The following PPM1N variants were observed in gnomAD, a reference collection of about 807,000 sequenced individuals.
The protein encoded by PPM1N is probable protein phosphatase 1N.
PPM1N carries 35 observed loss-of-function variants against 32.6 expected under a neutral mutation model. The observed-to-expected ratio is 1.07, with a 90% CI of 0.82 to 1.43. PPM1N has a LOEUF of 1.43. PPM1N is among the 40% of genes most tolerant of loss of function. PPM1N has a pLI of 0.00. For missense variants in PPM1N, 648 were observed against 606.6 expected, an observed-to-expected ratio of 1.07 and a Z score of -0.72; for synonymous variants, 275 against 270.5, an observed-to-expected ratio of 1.02 and a Z score of -0.16.
Position 45,500,477 on chromosome 19 carries a change from A to G in PPM1N, c.1079A>G (p.Lys360Arg). ...TCAGAACTGTGTGCCTCTGCTCAGAAGCCCCCCAGCCTGAACACAGTTTTC... is the reference window on the plus strand; with the variant it reads ...TCAGAACTGTGTGCCTCTGCTCAGAGGCCCCCCAGCCTGAACACAGTTTTC... ...RIAELCASAQ[K>R]PPSLNTVFRT... is the part of the protein sequence containing the mutation. Residue 360 changes from lysine (K) to arginine (R), a missense_variant, in exon 3 of 5, where the codon AAG becomes AGG. By Grantham distance (26) the Lys-to-Arg change is conservative (BLOSUM62 2). Transcript: ENST00000451287. 6.2e-7 allele frequency: 1 copy of G among 1,609,918 alleles called. No homozygotes were observed. The highest frequency in any genetic ancestry group is 8.5e-7 in the Non-Finnish European group (1 of 1,178,072).
In PPM1N at chr19:45,498,615, C is replaced by A. The variant is rs775186135; in HGVS notation, c.143C>A (p.Ala48Glu). The A allele has an allele frequency of 1.4e-6, 2 of 1,419,542 alleles. No homozygotes were observed. The highest frequency in any genetic ancestry group is 1.8e-6 in the Non-Finnish European group (2 of 1,092,834). The allele number at this position is 1,419,542 out of a possible 1,614,324, so 87.9% of individuals were successfully genotyped here. The change falls in exon 1 of 5, where the codon GCG becomes GAG. Residue 48 changes from alanine (A) to glutamate (E), a missense_variant. Ala to Glu is a moderately radical substitution (Grantham distance 107). Transcript: ENST00000451287. ...GAAGGGCCTCGGTCTCTGTTGACAG[C>A]GCCGCGCCGCGCCCAGCGGCCGCAC... ...APEGPRSLLT[A>E]PRRAQRPHGG...
chr19:45,499,485 A>T (rs779959001), intron 1 of PPM1N, 74 bp downstream of exon 1: 1 of 1,592,652 alleles, frequency 6.3e-7, no homozygotes, highest in Middle Eastern at 1.7e-4. Context: ...TTTGGGGAGG[A>T]GGGCTTTGAT....
intron 1 of PPM1N, 35 bp downstream of exon 1, chr19:45,499,446 G>A: frequency 1.3e-6 from 2 of 1,595,132 alleles, no homozygotes; most frequent in African/African-American, 1.3e-5. Context: ...TTTGGGGCTT[G>A]GTGCAGCAGA....
Position 45,500,071 on chromosome 19 carries a change from G to A in PPM1N, c.1057+5G>A. On this transcript the variant is annotated splice_donor_5th_base_variant and intron_variant, in intron 2 of 4. Coordinates refer to ENST00000451287, the MANE Select transcript of PPM1N (RefSeq NM_001080401.2). The stretch of plus-strand genomic sequence containing the variant: ...CCCTGGGCTGCAGAATCGCTGGTGA[G>A]CAGACTCTGGGGGCCCAGCTGGAGG... The A allele has an allele frequency of 6.3e-7, 1 of 1,583,292 alleles. No individual in the cohort carries two copies.
At position 45,502,308 on chromosome 19, in the gene PPM1N, GAAAAAAAAAAAA is replaced by G. The variant is rs61574042; in HGVS notation, c.*238_*249del. On this transcript the variant is annotated 3_prime_UTR_variant, in exon 5 of 5. Transcript: ENST00000451287. ...GACCAAAAAGAAAAAAGCCCAAATC[GAAAAAAAAAAAA>G]AAAAAAAAAAAAAACAAAAAAACCC... The G allele has an allele frequency of 1.9e-4, 5 of 26,856 alleles. No homozygotes were observed. The highest frequency in any genetic ancestry group is 1.2e-3 in the Admixed American group (2 of 1,686). The allele number at this position is 26,856 out of a possible 1,614,324, so 1.7% of individuals were successfully genotyped here. A position where few individuals can be genotyped will look rare whatever the true frequency, so the allele number is the denominator to read the frequency against.
chr19:45,500,068 T>C lies in PPM1N; in HGVS notation c.1057+2T>C. 6.3e-7 allele frequency: 1 copy of C among 1,585,586 alleles called. No homozygotes were observed. Among genetic ancestry groups the C allele is most frequent in the Admixed American group, 1.8e-5 (1 of 56,460 alleles). On this transcript the variant is annotated splice_donor_variant, in intron 2 of 4. Coordinates refer to ENST00000451287, the MANE Select transcript of PPM1N (RefSeq NM_001080401.2). LOFTEE classifies it high-confidence loss of function. ...CAGCCCTGGGCTGCAGAATCGCTGGTGAGCAGACTCTGGGGGCCCAGCTGG... is the reference window on the plus strand; with the variant it reads ...CAGCCCTGGGCTGCAGAATCGCTGGCGAGCAGACTCTGGGGGCCCAGCTGG...
chr19:45,502,144 A>G lies in PPM1N; in HGVS notation c.*59A>G. Reference sequence around the variant, plus strand: ...TGGGGCCTCAACAGAACTAAAGAAGAAAACCGACCCTTTCCCCAACTACAT... The same window carrying G: ...TGGGGCCTCAACAGAACTAAAGAAGGAAACCGACCCTTTCCCCAACTACAT... On this transcript the variant is annotated 3_prime_UTR_variant, in exon 5 of 5. Transcript: ENST00000451287. The G allele has an allele frequency of 7.4e-7, 1 of 1,345,880 alleles. No individual in the cohort carries two copies. The highest frequency in any genetic ancestry group is 1.2e-5 in the South Asian group (1 of 81,202). The allele number at this position is 1,345,880 out of a possible 1,614,324, so 83.4% of individuals were successfully genotyped here.
At position 45,500,469 on chromosome 19, in the gene PPM1N, T is replaced by G; in HGVS notation, c.1071T>G (p.Ser357=). The G allele has an allele frequency of 6.2e-7, 1 of 1,608,682 alleles. No individual in the cohort carries two copies. The highest frequency in any genetic ancestry group is 2.2e-5 in the East Asian group (1 of 44,758). ...ACTCTTTCTCAGAACTGTGTGCCTC[T>G]GCTCAGAAGCCCCCCAGCCTGAACA... The part of the protein sequence containing the change: ...LGCRIAELCA[S]AQKPPSLNTV... The change falls in exon 3 of 5, where the codon TCT becomes TCG. Residue 357 remains serine, a synonymous_variant. Transcript: ENST00000451287.
chr19:45,499,654 T>G, intron 1 of PPM1N: 1 of 1,548,154 alleles, frequency 6.5e-7, no homozygotes, highest in Non-Finnish European at 8.7e-7. Context: ...CGTGGTCTTT[T>G]GGAAAGGGGC....
At position 45,499,345 on chromosome 19, in the gene PPM1N, A is replaced by T. The variant is rs773067204; in HGVS notation, c.873A>T (p.Ser291=). The T allele has an allele frequency of 6.2e-7, 1 of 1,612,380 alleles. No homozygotes were observed. Among genetic ancestry groups the T allele is most frequent in the Non-Finnish European group, 8.5e-7 (1 of 1,179,650 alleles). The change falls in exon 1 of 5, where the codon TCA becomes TCT. Residue 291 remains serine (S), a synonymous_variant. Transcript: ENST00000451287. ...CTGCCCTGGCGGGACTGGTGGCTTC[A>T]CGCCTCCGCTTGGGCCTGGCCCCAG... ...SGAALAGLVA[S]RLRLGLAPEL...
rs887614128 is a variant in PPM1N at position 45,499,751 on chromosome 19, T to A, written c.940-198T>A. ...GTAAACATCAGAGCGGGCGGAGCTT[T>A]AGGGAAAAGGCATTGTTCTCTCAAT... On this transcript the variant is annotated intron_variant, in intron 1 of 4. Transcript: ENST00000451287. The A allele has an allele frequency of 3.9e-6, 6 of 1,521,786 alleles. No individual in the cohort carries two copies. In the African/African-American group the frequency reaches 8.3e-5, roughly 21 times the overall value. The allele number at this position is 1,521,786 out of a possible 1,614,324, so 94.3% of individuals were successfully genotyped here.
At chr19:45,499,468 T>G (rs761044951) in intron 1 of PPM1N, 57 bp downstream of exon 1, 4 of 1,598,546 alleles carry the variant, frequency 2.5e-6, no homozygotes, top group Non-Finnish European at 2.6e-6. Context: ...GGAGAGAGCC[T>G]CGGGGTTTTG....
In PPM1N at chr19:45,499,073, C is replaced by T. The variant is rs772491110; in HGVS notation, c.601C>T (p.Arg201Trp). 3 of 1,518,186 alleles carry T rather than the reference C, an allele frequency of 2.0e-6. No individual in the cohort carries two copies. Among genetic ancestry groups the T allele is most frequent in the Non-Finnish European group, 2.6e-6 (3 of 1,143,416 alleles). The allele number at this position is 1,518,186 out of a possible 1,614,324, so 94.0% of individuals were successfully genotyped here. A position where few individuals can be genotyped will look rare whatever the true frequency, so the allele number is the denominator to read the frequency against. Reference protein sequence around the residue: ...GAVAFSTEDHRPLRPRERERI... With the variant: ...GAVAFSTEDHWPLRPRERERI... ...CGTGGCCTTCAGCACAGAGGACCAC[C>T]GGCCCCTTCGACCCCGGGAACGCGA... Residue 201 changes from arginine (R) to tryptophan (W), a missense_variant, in exon 1 of 5, where the codon CGG becomes TGG. By Grantham distance (101) the Arg-to-Trp change is moderately radical. Transcript: ENST00000451287.
chr19:45,499,090 G>T lies in PPM1N; in HGVS notation c.618G>T (p.Arg206=). The T allele has an allele frequency of 6.6e-7, 1 of 1,515,514 alleles. No homozygotes were observed. The highest frequency in any genetic ancestry group is 8.8e-7 in the Non-Finnish European group (1 of 1,141,978). The allele number at this position is 1,515,514 out of a possible 1,614,324, so 93.9% of individuals were successfully genotyped here. A position where few individuals can be genotyped will look rare whatever the true frequency, so the allele number is the denominator to read the frequency against. ...AGGACCACCGGCCCCTTCGACCCCGGGAACGCGAGCGCATCCACGCCGCTG... is the reference window on the plus strand; with the variant it reads ...AGGACCACCGGCCCCTTCGACCCCGTGAACGCGAGCGCATCCACGCCGCTG... ...STEDHRPLRP[R]ERERIHAAGG... The change falls in exon 1 of 5, where the codon CGG becomes CGT. Residue 206 remains arginine (R), a synonymous_variant. Coordinates refer to ENST00000451287, the MANE Select transcript of PPM1N (RefSeq NM_001080401.2).
rs376430518 is a variant in PPM1N at position 45,499,027 on chromosome 19, G to A, written c.555G>A (p.Ala185=). 9.7e-5 allele frequency: 149 copies of A among 1,539,876 alleles called. No individual in the cohort carries two copies. The African/African-American group carries it at 1.8e-3, about 19-fold the overall frequency. ...LYLAHCGDSR[A]VLSRAGAVAF... ...TGGCGCACTGCGGTGACTCCCGCGCGGTGCTGAGCCGCGCTGGCGCCGTGG... is the reference window on the plus strand; with the variant it reads ...TGGCGCACTGCGGTGACTCCCGCGCAGTGCTGAGCCGCGCTGGCGCCGTGG... The change falls in exon 1 of 5, where the codon GCG becomes GCA. Residue 185 remains alanine, a synonymous_variant. Transcript: ENST00000451287.
In PPM1N at chr19:45,498,514, C is replaced by A. The variant is rs927966255; in HGVS notation, c.42C>A (p.Thr14=). ...GCCAGCTGCAGCGTCTCCTCTGGAC[C>A]GCTTGCAAGAAAAAGGAGAGGGAGA... ...LARQLQRLLW[T]ACKKKEREKE... The change falls in exon 1 of 5, where the codon ACC becomes ACA. Residue 14 remains threonine (T), a synonymous_variant. Transcript: ENST00000451287. 18 of 1,408,264 alleles carry A rather than the reference C, an allele frequency of 1.3e-5. No individual in the cohort carries two copies. The highest frequency in any genetic ancestry group is 1.5e-5 in the Non-Finnish European group (16 of 1,085,436). The allele number at this position is 1,408,264 out of a possible 1,614,324, so 87.2% of individuals were successfully genotyped here.
chr19:45,499,740 G>C (rs1294381330), intron 1 of PPM1N: 5 of 1,531,422 alleles, frequency 3.3e-6, no homozygotes, highest in Non-Finnish European at 3.5e-6. Context: ...ACATCAGAGC[G>C]GGCGGAGCTT....
chr19:45,499,816 G>C, intron 1 of PPM1N, 133 bp from the exon 2 acceptor site: 1 of 1,494,934 alleles, frequency 6.7e-7, no homozygotes, highest in Non-Finnish European at 8.9e-7. Flanking sequence ...AGTAAGAGAG[G>C]ATTGGCAGGT....
intron 1 of PPM1N, chr19:45,499,699 G>T: frequency 1.3e-6 from 2 of 1,547,522 alleles, no homozygotes; most frequent in Non-Finnish European, 1.7e-6. Flanking sequence ...CGGAAGTATT[G>T]ATTAGTGCTG....
Sources: gnomAD v4.1 joint callset for allele counts on GRCh38, gnomAD v4.1.1 for gene constraint, MANE v1.5 for transcripts, NCBI Gene and HGNC (gene_info 2026-07-23, HGNC 2026-07-21) for gene names.